The following SLC30A7 variants were observed in gnomAD, a reference collection of about 807,000 sequenced individuals.
The protein encoded by SLC30A7 is solute carrier family 30 member 7.
Under a neutral mutation model 46.0 loss-of-function variants are expected in SLC30A7, and 35 were observed. That is an observed-to-expected ratio of 0.76 (90% CI 0.58 to 1.01). SLC30A7 has a LOEUF of 1.01. Among genes scored for constraint, SLC30A7 ranks in the 50% least tolerant of loss-of-function variants. The probability of loss-of-function intolerance (pLI) is 0.00; values close to 1 mark genes in which losing one functional copy is unlikely to be tolerated. For synonymous variants in SLC30A7, 147 were observed against 157.8 expected, an observed-to-expected ratio of 0.93 and a Z score of 0.51; for missense variants, 464 against 451.1, an observed-to-expected ratio of 1.03 and a Z score of -0.26.
At chr1:100,956,482 TG>T (rs745321096) in intron 8 of SLC30A7, among the ~76,000 whole-genome samples, 2 of 152,188 alleles carry the variant, frequency 1.3e-5, no homozygotes, top group Non-Finnish European at 2.9e-5. Flanking sequence ...AATCTGTAGA[TG>T]TTTTTTCTAG....
chr1:100,938,093 A>G (rs561742542), intron 8 of SLC30A7, among the ~76,000 whole-genome samples: 3 of 152,284 alleles, frequency 2.0e-5, no homozygotes, highest in East Asian at 3.9e-4. Flanking sequence ...CCAGTGGTCT[A>G]TATGTCTGTT....
intron 8 of SLC30A7, among the ~76,000 whole-genome samples, chr1:100,958,197 G>A (rs991148283): frequency 2.0e-5 from 3 of 150,962 alleles, no homozygotes; most frequent in Admixed American, 6.6e-5. Flanking sequence ...TTTTTTTTGA[G>A]ATGGAGTCTC....
At chr1:100,949,429 C>T (rs1654835653) in intron 8 of SLC30A7, among the ~76,000 whole-genome samples, 2 of 152,178 alleles carry the variant, frequency 1.3e-5, no homozygotes, top group South Asian at 4.1e-4. Context: ...CTGTCAGCCC[C>T]TACTGGGAGG....
downstream of SLC30A7, among the ~76,000 whole-genome samples, chr1:100,983,294 C>A (rs1657055896): frequency 6.9e-6 from 1 of 144,906 alleles, no homozygotes; most frequent in African/African-American, 2.5e-5. Flanking sequence ...TTTTTTCATT[C>A]TTTCCAAAAA....
chr1:100,962,832 CAA>C (rs1352218007), intron 9 of SLC30A7, among the ~76,000 whole-genome samples: 2 of 152,134 alleles, frequency 1.3e-5, no homozygotes, highest in Non-Finnish European at 2.9e-5. Flanking sequence ...AAATGAAAAA[CAA>C]TGGTGGTTTA....
At chr1:100,960,991 G>A (rs1655514742) in intron 8 of SLC30A7, among the ~76,000 whole-genome samples, 1 of 121,372 alleles carries the variant, frequency 8.2e-6, no homozygotes, top group Non-Finnish European at 1.6e-5. Flanking sequence ...GTCTCGCTCT[G>A]TCACCCAGGC....
intron 8 of SLC30A7, among the ~76,000 whole-genome samples, chr1:100,945,562 G>A (rs1242141280): frequency 1.3e-5 from 2 of 152,064 alleles, no homozygotes; most frequent in East Asian, 3.9e-4. Flanking sequence ...CCCATTTCTT[G>A]TTTTTTTCAG....
Position 100,974,677 on chromosome 1 carries a change from A to T in SLC30A7, c.1084-133A>T, listed in dbSNP as rs1656354846. ...ATTATTTTTTGTAGCTTATGAATAT[A>T]TTTGTTTCTGAAATGATTCTTTTCT... On this transcript the variant is annotated intron_variant, in intron 10 of 10. Transcript: ENST00000357650. 7 of 587,142 alleles carry T rather than the reference A, an allele frequency of 1.2e-5. No individual in the cohort carries two copies. In the Admixed American group the frequency reaches 2.6e-4, roughly 21 times the overall value. The allele number at this position is 587,142 out of a possible 1,614,324, so 36.4% of individuals were successfully genotyped here.
intron 8 of SLC30A7, among the ~76,000 whole-genome samples, chr1:100,928,330 G>A (rs923907593): frequency 3.9e-5 from 6 of 152,278 alleles, no homozygotes; most frequent in South Asian, 2.1e-4. Context: ...AGAAAACGGC[G>A]CTTCTTAATA....
intron 8 of SLC30A7, among the ~76,000 whole-genome samples, chr1:100,939,504 G>A (rs1395547832): frequency 6.6e-6 from 1 of 151,868 alleles, no homozygotes; most frequent in African/African-American, 2.4e-5. Context: ...CACAGAAGTC[G>A]ACTCGAACAG....
At chr1:100,963,950 G>A (rs947184072) in intron 9 of SLC30A7, among the ~76,000 whole-genome samples, 1 of 152,142 alleles carries the variant, frequency 6.6e-6, no homozygotes, top group African/African-American at 2.4e-5. Context: ...GTTGATAGTA[G>A]CAGGGGTACT....
chr1:100,912,949 A>AT (rs1057379842), intron 5 of SLC30A7, among the ~76,000 whole-genome samples: 14 of 151,830 alleles, frequency 9.2e-5, no homozygotes, highest in African/African-American at 3.1e-4. Context: ...CATAGTCATG[A>AT]TTTTTTCATA....
chr1:100,970,148 A>G (rs939303991), intron 10 of SLC30A7, among the ~76,000 whole-genome samples: 1 of 152,174 alleles, frequency 6.6e-6, no homozygotes, highest in African/African-American at 2.4e-5. Flanking sequence ...CCTTAGTTCC[A>G]AAATACCAAA....
At position 100,896,179 on chromosome 1, in the gene SLC30A7, T is replaced by A. The variant is rs1650903411; in HGVS notation, c.-84T>A. On this transcript the variant is annotated 5_prime_UTR_variant, in exon 1 of 11. Coordinates refer to ENST00000357650, the MANE Select transcript of SLC30A7 (RefSeq NM_133496.5). ...CGGACAAGCGCTGGGGATTCCCGTT[T>A]GAGGCGTCACTACTGTCACTGCCAT... 1 of 1,219,160 alleles carries A rather than the reference T, an allele frequency of 8.2e-7. No individual in the cohort carries two copies. Among genetic ancestry groups the A allele is most frequent in the African/African-American group, 1.5e-5 (1 of 67,294 alleles). The allele number at this position is 1,219,160 out of a possible 1,614,324, so 75.5% of individuals were successfully genotyped here.
chr1:100,988,575 G>A, the SLC30A7 span, among the ~76,000 whole-genome samples: 23 of 152,202 alleles, frequency 1.5e-4, no homozygotes, highest in African/African-American at 5.3e-4. Flanking sequence ...GCCAGGCATA[G>A]TGGCTCATGC....
chr1:100,977,953 C>A lies in SLC30A7; in HGVS notation c.*3096C>A, dbSNP rs1558016154. 1 of 152,182 alleles carries A rather than the reference C, an allele frequency of 6.6e-6. No individual in the cohort carries two copies. Among genetic ancestry groups the A allele is most frequent in the Non-Finnish European group, 1.5e-5 (1 of 68,046 alleles). The allele number at this position is 152,182 out of a possible 1,614,324, so 9.4% of individuals were successfully genotyped here. ...GTTTTTAGCAGAGACAGGGTTTCAC[C>A]ACGTTGGCCAGGGTGGTCTTGGACT... On this transcript the variant is annotated 3_prime_UTR_variant, in exon 11 of 11. Coordinates refer to ENST00000357650, the MANE Select transcript of SLC30A7 (RefSeq NM_133496.5).
At chr1:100,902,112 T>G (rs145719394) in intron 2 of SLC30A7, among the ~76,000 whole-genome samples, 1 of 152,278 alleles carries the variant, frequency 6.6e-6, no homozygotes, top group East Asian at 1.9e-4. Flanking sequence ...TCCCATGAGT[T>G]TGTGTATTTG....
chr1:100,983,651 T>G (rs1167691513), downstream of SLC30A7, among the ~76,000 whole-genome samples: 1 of 152,238 alleles, frequency 6.6e-6, no homozygotes. Context: ...GAGCAACTGC[T>G]AAAACTAAAG....
Position 100,913,679 on chromosome 1 carries a change from T to G in SLC30A7, c.528T>G (p.His176Gln). Reference sequence around the variant, plus strand: ...GTTTTCTAGGCCACGGACACAGTCATTCCCTCTTTAATGGTGCTCTAGATC... The same window carrying G: ...GTTTTCTAGGCCACGGACACAGTCAGTCCCTCTTTAATGGTGCTCTAGATC... ...HSHGSGHGHS[H>Q]SLFNGALDQA... The change falls in exon 6 of 11, where the codon CAT (histidine) becomes CAG (glutamine). Residue 176 changes from histidine to glutamine, a missense_variant. Coordinates refer to ENST00000357650, the MANE Select transcript of SLC30A7 (RefSeq NM_133496.5). 1 of 1,613,870 alleles carries G rather than the reference T, an allele frequency of 6.2e-7. No homozygotes were observed. The highest frequency in any genetic ancestry group is 2.2e-5 in the East Asian group (1 of 44,884).
Sources: allele counts gnomAD v4.1 joint callset (sites outside exome capture counted in the v4.1 genomes callset), GRCh38; gene constraint gnomAD v4.1.1; transcripts MANE v1.5; gene names NCBI Gene and HGNC (gene_info 2026-07-23, HGNC 2026-07-21).